Variants in NSUN7 observed in about 807,000 individuals in gnomAD.
The protein encoded by NSUN7 is protein NSUN7.
In NSUN7, 39 loss-of-function variants were observed where a neutral mutation model predicts 58.5. The observed-to-expected ratio is 0.67, with a 90% CI of 0.52 to 0.87. The LOEUF (loss-of-function observed/expected upper bound fraction) is 0.87, where lower values mean the gene tolerates loss of function less well. Ranked by LOEUF, NSUN7 falls within the 40% of genes least tolerant of loss-of-function variation. The pLI is 0.00. For synonymous variants in NSUN7, 278 were observed against 303.7 expected, an observed-to-expected ratio of 0.92 and a Z score of 0.88; for missense variants, 765 against 844.1, an observed-to-expected ratio of 0.91 and a Z score of 1.16.
rs1742250957 is a variant in NSUN7, at chr4:40,776,128, G to A, written c.905G>A (p.Gly302Asp). 6.2e-7 allele frequency: 1 copy of A among 1,608,188 alleles called. No individual in the cohort carries two copies. The highest frequency in any genetic ancestry group is 1.7e-5 in the Admixed American group (1 of 59,738). ...MDDDVLMVNT[G>D]SWYTVSHMSI... ...GATGATGTCTTAATGGTCAATACAG[G>A]CTCATGGTACACAGTTTCCCACATG... The change falls in exon 7 of 12, where the codon GGC (glycine) becomes GAC (aspartate). Residue 302 changes from glycine to aspartate, a missense_variant. Physicochemically the swap from Gly to Asp is moderately conservative, Grantham distance 94. Coordinates refer to ENST00000381782, the MANE Select transcript of NSUN7 (RefSeq NM_024677.6).
rs78687823 is a variant in NSUN7 at position 40,775,430 on chromosome 4, T to A, written c.825+480T>A. The stretch of plus-strand genomic sequence containing the variant: ...GAAGAGAATGTGAGGTATAATGTAG[T>A]TTCAACAGAACGAAAATAAAAGGTA... On this transcript the variant is annotated intron_variant, in intron 6 of 11. Transcript: ENST00000381782. The surrounding 1 kb of genome is among the most constrained non-coding windows in gnomAD (Gnocchi z 4.3). The A allele has an allele frequency of 0.29, 44,112 of 152,452 alleles. 6,765 individuals carry two copies. Among genetic ancestry groups the A allele is most frequent in the Non-Finnish European group, 0.34 (22,878 of 68,240 alleles). 9.4% of individuals were successfully genotyped at this position (152,452 alleles called of 1,614,324 possible).
At chr4:40,764,056 T>A (rs6858783) in intron 4 of NSUN7, among the ~76,000 whole-genome samples, 21,032 of 151,450 alleles carry the variant, frequency 0.14, 1,558 homozygotes, top group South Asian at 0.17. Context: ...TTGTTTTTTT[T>A]AATTTTTTAA....
chr4:40,807,630 A>G (rs934953736), intron 11 of NSUN7, among the ~76,000 whole-genome samples: 6 of 151,766 alleles, frequency 4.0e-5, no homozygotes, highest in African/African-American at 1.5e-4. Flanking sequence ...ACAGGTGTGA[A>G]CCACCGCACC....
chr4:40,759,310 C>CATAAATAA (rs1009388993), intron 2 of NSUN7, among the ~76,000 whole-genome samples: 2 of 152,068 alleles, frequency 1.3e-5, no homozygotes, highest in South Asian at 2.1e-4. Flanking sequence ...GACTCTGTCT[C>CATAAATAA]ATAAATAAAT....
intron 4 of NSUN7, among the ~76,000 whole-genome samples, chr4:40,762,143 A>T (rs74900789): frequency 0.012 from 1,811 of 152,306 alleles, 17 homozygotes; most frequent in African/African-American, 0.018. Flanking sequence ...GGCCCTCACC[A>T]AATGCCAGCA....
intron 7 of NSUN7, among the ~76,000 whole-genome samples, chr4:40,781,675 G>A (rs760732322): frequency 6.6e-6 from 1 of 152,054 alleles, no homozygotes; most frequent in East Asian, 1.9e-4. Context: ...TGAACTCCTC[G>A]GCTCAAGCAA....
chr4:40,760,812 A>G (rs547431708), intron 3 of NSUN7, among the ~76,000 whole-genome samples: 1 of 150,180 alleles, frequency 6.7e-6, no homozygotes, highest in African/African-American at 2.5e-5. Flanking sequence ...GCAGTGAGCT[A>G]GATTGCGCCA....
At chr4:40,783,668 C>T (rs556221618) in intron 7 of NSUN7, among the ~76,000 whole-genome samples, 1 of 151,976 alleles carries the variant, frequency 6.6e-6, no homozygotes, top group East Asian at 1.9e-4. Flanking sequence ...GCCAACATGA[C>T]GAAACCCTGT....
At chr4:40,789,885 A>G (rs1281003764) in intron 7 of NSUN7, among the ~76,000 whole-genome samples, 2 of 152,174 alleles carry the variant, frequency 1.3e-5, no homozygotes, top group African/African-American at 4.8e-5. Context: ...TAGCCACCGC[A>G]AAAGTAGAGG....
At chr4:40,793,454 A>G (rs534878837) in intron 8 of NSUN7, among the ~76,000 whole-genome samples, 2 of 152,294 alleles carry the variant, frequency 1.3e-5, no homozygotes, top group South Asian at 2.1e-4. Context: ...AAAAACAGCA[A>G]CAACAACAAC....
chr4:40,787,550 G>A (rs1374847038), intron 7 of NSUN7, among the ~76,000 whole-genome samples: 1 of 151,998 alleles, frequency 6.6e-6, no homozygotes, highest in African/African-American at 2.4e-5. Context: ...TGGATTCCTG[G>A]ATAGACAACT....
At chr4:40,751,328 G>A (rs1740823360) in intron 2 of NSUN7, among the ~76,000 whole-genome samples, 1 of 151,586 alleles carries the variant, frequency 6.6e-6, no homozygotes, top group African/African-American at 2.4e-5. Flanking sequence ...TCGCTTTATT[G>A]TCTGGGCTGG....
intron 2 of NSUN7, among the ~76,000 whole-genome samples, chr4:40,751,284 C>T (rs1434841142): frequency 1.3e-5 from 2 of 152,048 alleles, no homozygotes; most frequent in African/African-American, 4.8e-5. Flanking sequence ...TTCCCTCTCC[C>T]TGTATTTTTT....
chr4:40,800,711 G>A (rs1743544425), intron 10 of NSUN7, among the ~76,000 whole-genome samples: 1 of 152,020 alleles, frequency 6.6e-6, no homozygotes, highest in African/African-American at 2.4e-5. Flanking sequence ...TTCATCGTAA[G>A]TTTAAATAGC....
At chr4:40,802,262 C>T (rs879536760) in intron 10 of NSUN7, among the ~76,000 whole-genome samples, 2 of 151,042 alleles carry the variant, frequency 1.3e-5, no homozygotes, top group African/African-American at 2.4e-5. Context: ...ATTCCATTGA[C>T]GTTTGGCTCT....
chr4:40,757,832 GA>G (rs1221042791), intron 2 of NSUN7, among the ~76,000 whole-genome samples: 1 of 151,490 alleles, frequency 6.6e-6, no homozygotes, highest in Non-Finnish European at 1.5e-5. Flanking sequence ...GCCCTAGGGG[GA>G]AAAAATGCAA....
At chr4:40,781,069 C>T (rs546972129) in intron 7 of NSUN7, among the ~76,000 whole-genome samples, 4 of 151,338 alleles carry the variant, frequency 2.6e-5, no homozygotes, top group Non-Finnish European at 4.4e-5. Context: ...CCACCCGCCT[C>T]GGCATATATA....
At position 40,809,768 on chromosome 4, in the gene NSUN7, G is replaced by A. The variant is rs1447902150; in HGVS notation, c.*829G>A. On this transcript the variant is annotated 3_prime_UTR_variant, in exon 12 of 12. Coordinates refer to ENST00000381782, the MANE Select transcript of NSUN7 (RefSeq NM_024677.6). Reference sequence around the variant, plus strand: ...TCAGGGGATACAACAAAATCTACAAGTCATTTCAAATAGCACACAGGAATC... The same window carrying A: ...TCAGGGGATACAACAAAATCTACAAATCATTTCAAATAGCACACAGGAATC... 1 of 152,162 alleles carries A rather than the reference G, an allele frequency of 6.6e-6. No individual in the cohort carries two copies. The highest frequency in any genetic ancestry group is 2.4e-5 in the African/African-American group (1 of 41,444). 9.4% of individuals were successfully genotyped at this position (152,162 alleles called of 1,614,324 possible). A position where few individuals can be genotyped will look rare whatever the true frequency, so the allele number is the denominator to read the frequency against.
Position 40,775,032 on chromosome 4 carries a change from C to T in NSUN7, c.825+82C>T. On this transcript the variant is annotated intron_variant, in intron 6 of 11. Transcript: ENST00000381782. This position sits in a 1 kb window ranked among gnomAD's most constrained non-coding sequence, Gnocchi z 4.3. Reference sequence around the variant, plus strand: ...TTCTCCACTTAAAAATAAAACCTAACACTGTTTATATTTTTATAGATTATC... The same window carrying T: ...TTCTCCACTTAAAAATAAAACCTAATACTGTTTATATTTTTATAGATTATC... The T allele has an allele frequency of 1.6e-6, 1 of 616,668 alleles. No homozygotes were observed. Among genetic ancestry groups the T allele is most frequent in the South Asian group, 2.5e-5 (1 of 39,620 alleles). The allele number at this position is 616,668 out of a possible 1,614,324, so 38.2% of individuals were successfully genotyped here.
Sources: allele counts gnomAD v4.1 joint callset (sites outside exome capture counted in the v4.1 genomes callset), GRCh38; gene constraint gnomAD v4.1.1; non-coding constraint Gnocchi (gnomAD v3.1); transcripts MANE v1.5; gene names NCBI Gene and HGNC (gene_info 2026-07-23, HGNC 2026-07-21).